Variants in NDE1 observed in about 807,000 individuals in gnomAD.
NDE1 encodes nuclear distribution protein nudE homolog 1.
In NDE1, 28 loss-of-function variants were observed where a neutral mutation model predicts 43.4. That is an observed-to-expected ratio of 0.65 (90% CI 0.48 to 0.89). The LOEUF (loss-of-function observed/expected upper bound fraction) is 0.89. Among genes scored for constraint, NDE1 ranks in the 40% least tolerant of loss-of-function variants. NDE1 has a pLI of 0.00. For synonymous variants in NDE1, 184 were observed against 172.0 expected (o/e 1.07, Z -0.55); for missense variants, 441 against 434.1 (o/e 1.02, Z -0.14).
intron 4 of NDE1, among the ~76,000 whole-genome samples, chr16:15,682,725 TTTTA>T (rs1228716134): frequency 2.6e-5 from 4 of 152,154 alleles, no homozygotes; most frequent in African/African-American, 7.2e-5. Flanking sequence ...TTTCATTTTA[TTTTA>T]TTTATTTATT....
At chr16:15,654,224 G>C (rs1009087181) in intron 1 of NDE1, among the ~76,000 whole-genome samples, 4 of 152,042 alleles carry the variant, frequency 2.6e-5, no homozygotes, top group African/African-American at 9.7e-5. Context: ...ATGCATGTGG[G>C]GTGCATTTTT....
intron 8 of NDE1, chr16:15,703,586 A>C: frequency 2.7e-6 from 1 of 374,020 alleles, no homozygotes; most frequent in South Asian, 3.2e-5. Context: ...CAGGGGTAGT[A>C]GGGGTGGTGG....
chr16:15,694,488 G>A (rs1272737140), intron 7 of NDE1: 42 of 1,242,834 alleles, frequency 3.4e-5, no homozygotes, highest in Non-Finnish European at 4.4e-5. Context: ...TTGGACCACA[G>A]GTGTGCGCCA....
chr16:15,670,184 A>G lies in NDE1; in HGVS notation c.237+2745A>G, dbSNP rs539383632. On this transcript the variant is annotated intron_variant, in intron 3 of 8. Transcript: ENST00000396354. Reference sequence around the variant, plus strand: ...TTTTCTTTTTCTCATTAAACTCCCAATGTACATTTTGATGAGCTGCTTCAT... The same window carrying G: ...TTTTCTTTTTCTCATTAAACTCCCAGTGTACATTTTGATGAGCTGCTTCAT... Among the ~76,000 whole-genome samples, 27 of 152,132 alleles carry G rather than the reference A, an allele frequency of 1.8e-4. No homozygotes were observed. In the East Asian group the frequency reaches 3.9e-3, roughly 22 times the overall value.
At chr16:15,690,978 T>C (rs2038719409) in intron 5 of NDE1, among the ~76,000 whole-genome samples, 166 bp from the exon 6 acceptor site, 1 of 152,138 alleles carries the variant, frequency 6.6e-6, no homozygotes, top group African/African-American at 2.4e-5. Flanking sequence ...GGGCTAATTT[T>C]TGTATTTTCA....
intron 8 of NDE1, among the ~76,000 whole-genome samples, chr16:15,712,320 G>T (rs2039848530): frequency 6.6e-6 from 1 of 152,122 alleles, no homozygotes; most frequent in Non-Finnish European, 1.5e-5. Flanking sequence ...AAAGCGCCAA[G>T]ATTAGTTGAG....
intron 3 of NDE1, among the ~76,000 whole-genome samples, chr16:15,677,010 A>T (rs917813380): frequency 2.0e-5 from 3 of 152,100 alleles, no homozygotes; most frequent in Non-Finnish European, 4.4e-5. Context: ...CTGAAGAATG[A>T]TGGAGGCTAT....
intron 8 of NDE1, among the ~76,000 whole-genome samples, chr16:15,705,450 G>GA (rs2039396094): frequency 2.0e-5 from 3 of 152,304 alleles, no homozygotes. Context: ...GCAGAAGAAG[G>GA]AAAAATCAGA....
chr16:15,703,829 T>C (rs1567668088), intron 8 of NDE1: 1 of 937,992 alleles, frequency 1.1e-6, no homozygotes, highest in Non-Finnish European at 1.7e-6. Flanking sequence ...ATATTCCTTG[T>C]GTGAGGGGTG....
intron 8 of NDE1, among the ~76,000 whole-genome samples, chr16:15,698,087 C>G (rs1433770199): frequency 3.9e-5 from 6 of 152,156 alleles, no homozygotes; most frequent in Admixed American, 3.9e-4. Flanking sequence ...CAGGCGTGAG[C>G]CACTGCAACC....
chr16:15,702,451 C>T lies in NDE1; in HGVS notation c.947+5591C>T, dbSNP rs772773083. On this transcript the variant is annotated intron_variant, in intron 8 of 8. Transcript: ENST00000396354. ...TGTTACCTAGGCTGCAGTGCAGTGG[C>T]GTGATCATAGCTCACTGCAGCCTGG... Among the ~76,000 whole-genome samples the T allele has an allele frequency of 3.3e-5, 5 of 152,098 alleles. No individual in the cohort carries two copies. In the South Asian group the frequency reaches 1.0e-3, roughly 32 times the overall value.
At position 15,724,151 on chromosome 16, in the gene NDE1, C is replaced by T. The variant is rs142707175; in HGVS notation, c.948-40C>T. 42 of 1,612,756 alleles carry T rather than the reference C, an allele frequency of 2.6e-5. No homozygotes were observed. In the African/African-American group the frequency reaches 4.1e-4, roughly 16 times the overall value. ...CATGGCCAGAGTGGGGGACACCCCA[C>T]GCCCTCTACCTGATCAAATTTCCTC... On this transcript the variant is annotated intron_variant, in intron 8 of 8. Transcript: ENST00000396354.
At chr16:15,687,091 T>G (rs527886192) in intron 4 of NDE1, 1 of 1,293,470 alleles carries the variant, frequency 7.7e-7, no homozygotes, top group African/African-American at 1.5e-5. Context: ...CCACATGCAG[T>G]CCTGATAGGG....
chr16:15,643,775 A>G (rs1035474528), exon 1 of NDE1: 1 of 182,696 alleles, frequency 5.5e-6, no homozygotes, highest in Admixed American at 6.5e-5. Context: ...CAGTGTGTGC[A>G]AAGACTCAAC....
chr16:15,648,034 CAA>C (rs34798321), upstream of NDE1, among the ~76,000 whole-genome samples: 10 of 121,524 alleles, frequency 8.2e-5, no homozygotes, highest in African/African-American at 1.5e-4. Context: ...CTCTGTCTCA[CAA>C]AAAAAAAAAA....
chr16:15,670,981 G>A (rs1268388416), intron 3 of NDE1, among the ~76,000 whole-genome samples: 1 of 152,160 alleles, frequency 6.6e-6, no homozygotes, highest in Non-Finnish European at 1.5e-5. Context: ...GAGTGCAGCT[G>A]GCCGTCTGCA....
At chr16:15,695,214 TTTTTTTTTTTTTTG>T (rs1234009659) in intron 7 of NDE1, among the ~76,000 whole-genome samples, 2 of 147,346 alleles carry the variant, frequency 1.4e-5, no homozygotes, top group African/African-American at 5.0e-5. Context: ...TTTTTTTTTT[TTTTTTTTTTTTTTG>T]GTTTGTTTCT....
intron 8 of NDE1, chr16:15,704,044 C>T (rs1358904937): frequency 8.1e-6 from 13 of 1,614,078 alleles, no homozygotes; most frequent in East Asian, 2.2e-5. Context: ...TCCGTTTCCT[C>T]CTCAGAACCA....
chr16:15,712,889 T>C (rs1171115546), intron 8 of NDE1: 1 of 143,910 alleles, frequency 6.9e-6, no homozygotes, highest in African/African-American at 2.6e-5. Flanking sequence ...ACAGTTTTTT[T>C]TTTTTTGAGA....
Sources: gnomAD v4.1 joint callset for allele counts (sites outside exome capture counted in the v4.1 genomes callset) on GRCh38, gnomAD v4.1.1 for gene constraint, MANE v1.5 for transcripts, NCBI Gene and HGNC (gene_info 2026-07-23, HGNC 2026-07-21) for gene names.